The following RNF2 variants were observed in gnomAD, a reference collection of about 807,000 sequenced individuals.
RNF2 encodes E3 ubiquitin-protein ligase RING2.
RNF2 carries 6 observed loss-of-function variants against 37.2 expected under a neutral mutation model. That is an observed-to-expected ratio of 0.16 (90% CI 0.09 to 0.32). RNF2 has a LOEUF of 0.32. RNF2 is among the 10% of genes least tolerant of loss of function. The pLI is 1.00. For synonymous variants in RNF2, 133 were observed against 132.7 expected, an observed-to-expected ratio of 1.00 and a Z score of -0.02; for missense variants, 251 against 404.0, an observed-to-expected ratio of 0.62 and a Z score of 3.25.
chr1:185,050,554 C>T (rs533919927), intron 1 of RNF2, among the ~76,000 whole-genome samples: 6 of 152,278 alleles, frequency 3.9e-5, no homozygotes, highest in Non-Finnish European at 8.8e-5. Flanking sequence ...GCACTTTTAG[C>T]TTAGTACTGT....
In RNF2 at chr1:185,098,063, C is replaced by G; in HGVS notation, c.465-9C>G. The G allele has an allele frequency of 6.2e-7, 1 of 1,611,990 alleles. No homozygotes were observed. Among genetic ancestry groups the G allele is most frequent in the East Asian group, 2.2e-5 (1 of 44,850 alleles). ...AAATTTTATGCATCCTTTTTTCCCC[C>G]TTGACTAGACTGCAGCGAGGCAAGA... On this transcript the variant is annotated splice_polypyrimidine_tract_variant and intron_variant, in intron 4 of 6. Transcript: ENST00000367510.
chr1:185,094,728 A>G (rs1651864795), intron 4 of RNF2, among the ~76,000 whole-genome samples: 1 of 152,182 alleles, frequency 6.6e-6, no homozygotes, highest in Admixed American at 6.5e-5. Flanking sequence ...GCTAAAAACT[A>G]AAAGACTTTA....
intron 2 of RNF2, among the ~76,000 whole-genome samples, chr1:185,090,898 T>C (rs887518077): frequency 1.3e-5 from 2 of 152,236 alleles, no homozygotes; most frequent in Non-Finnish European, 2.9e-5. Context: ...GAAACATCTT[T>C]AGGCATGACA....
intron 4 of RNF2, among the ~76,000 whole-genome samples, chr1:185,093,627 T>A (rs1299051015): frequency 1.3e-5 from 2 of 152,196 alleles, no homozygotes; most frequent in African/African-American, 4.8e-5. Flanking sequence ...TTATTAGTGA[T>A]CTCTTCATTG....
intron 1 of RNF2, among the ~76,000 whole-genome samples, chr1:185,082,042 C>T (rs1332749939): frequency 2.0e-5 from 3 of 152,096 alleles, no homozygotes; most frequent in African/African-American, 7.2e-5. Flanking sequence ...AATCCACTTT[C>T]GTGGCAAGTT....
intron 4 of RNF2, among the ~76,000 whole-genome samples, chr1:185,097,018 T>C (rs1398743827): frequency 2.0e-5 from 3 of 152,108 alleles, no homozygotes; most frequent in Admixed American, 1.3e-4. Flanking sequence ...AGACAGGCAG[T>C]GTGGTAGGAA....
chr1:185,088,498 G>C (rs973894561), intron 2 of RNF2, among the ~76,000 whole-genome samples: 42 of 151,762 alleles, frequency 2.8e-4, no homozygotes, highest in Admixed American at 2.8e-3. Context: ...GGTGGTTGCA[G>C]TGAGCCGAGA....
chr1:185,051,394 T>C (rs1470267967), intron 1 of RNF2, among the ~76,000 whole-genome samples: 2 of 152,214 alleles, frequency 1.3e-5, no homozygotes, highest in Non-Finnish European at 2.9e-5. Flanking sequence ...TTTCTGAGTC[T>C]CTTTTCTTTT....
chr1:185,074,474 G>A (rs1195386400), intron 1 of RNF2, among the ~76,000 whole-genome samples: 1 of 152,010 alleles, frequency 6.6e-6, no homozygotes, highest in Non-Finnish European at 1.5e-5. Flanking sequence ...AACCATATTA[G>A]CATAAACTTA....
chr1:185,060,391 G>C (rs1650563182), intron 1 of RNF2, among the ~76,000 whole-genome samples: 1 of 152,172 alleles, frequency 6.6e-6, no homozygotes, highest in African/African-American at 2.4e-5. Flanking sequence ...CACCACATAA[G>C]TATACTCCCT....
Position 185,096,569 on chromosome 1 carries a change from T to G in RNF2, c.465-1503T>G, listed in dbSNP as rs116693940. 7.0e-3 allele frequency among the ~76,000 whole-genome samples: 1,072 copies of G among 152,250 alleles called. 18 individuals are homozygous for G. Among genetic ancestry groups the G allele is most frequent in the African/African-American group, 0.02 (848 of 41,558 alleles). On this transcript the variant is annotated intron_variant, in intron 4 of 6. Transcript: ENST00000367510. Reference sequence around the variant, plus strand: ...GTATTTGTACTTTTGGGGTTTTTTTTTTGTTGTTGTTATTTACTGTTATTT... The same window carrying G: ...GTATTTGTACTTTTGGGGTTTTTTTGTTGTTGTTGTTATTTACTGTTATTT...
chr1:185,063,839 T>G (rs1375664772), intron 1 of RNF2, among the ~76,000 whole-genome samples: 2 of 152,202 alleles, frequency 1.3e-5, no homozygotes, highest in African/African-American at 4.8e-5. Flanking sequence ...GATTGCTCTC[T>G]TGGACTACTA....
In RNF2 at chr1:185,102,248, G is replaced by A. The variant is rs1258359445; in HGVS notation, c.*1947G>A. ...ATAGGGTATTGAGTGTATTTTGTGT[G>A]TGTGTGGATGTGTGTTTTGGGGTAC... On this transcript the variant is annotated 3_prime_UTR_variant, in exon 7 of 7. Coordinates refer to ENST00000367510, the MANE Select transcript of RNF2 (RefSeq NM_007212.4). 3 of 152,272 alleles carry A rather than the reference G, an allele frequency of 2.0e-5. No individual in the cohort carries two copies. In the South Asian group the frequency reaches 6.2e-4, roughly 32 times the overall value. 9.4% of individuals were successfully genotyped at this position (152,272 alleles called of 1,614,324 possible).
intron 4 of RNF2, among the ~76,000 whole-genome samples, chr1:185,097,796 A>G (rs1313769151): frequency 1.3e-5 from 2 of 152,192 alleles, no homozygotes; most frequent in African/African-American, 2.4e-5. Flanking sequence ...TGGCCTCTCA[A>G]TGTGTTGGGT....
At chr1:185,054,685 G>GT (rs952054107) in intron 1 of RNF2, among the ~76,000 whole-genome samples, 6 of 152,042 alleles carry the variant, frequency 3.9e-5, no homozygotes, top group Non-Finnish European at 7.4e-5. Context: ...TTCTTTGTGG[G>GT]TTTTTTAAAA....
chr1:185,049,489 G>T (rs1473280269), intron 1 of RNF2, among the ~76,000 whole-genome samples: 2 of 152,106 alleles, frequency 1.3e-5, no homozygotes, highest in African/African-American at 2.4e-5. Flanking sequence ...TATCCTTTAT[G>T]AAATAGTTTT....
intron 2 of RNF2, among the ~76,000 whole-genome samples, chr1:185,088,569 AGCT>A (rs1344648912): frequency 1.3e-5 from 2 of 151,722 alleles, no homozygotes; most frequent in Non-Finnish European, 1.5e-5. Flanking sequence ...AAAAAAAAAA[AGCT>A]AAAGGAAGTA....
chr1:185,054,394 C>G (rs77338610), intron 1 of RNF2, among the ~76,000 whole-genome samples: 1 of 152,196 alleles, frequency 6.6e-6, no homozygotes, highest in Admixed American at 6.5e-5. Context: ...GAGGACGTGT[C>G]AAGGCTGGAC....
At chr1:185,055,212 A>G (rs921049451) in intron 1 of RNF2, among the ~76,000 whole-genome samples, 2 of 152,076 alleles carry the variant, frequency 1.3e-5, no homozygotes, top group Non-Finnish European at 2.9e-5. Context: ...ATTTTTCCGG[A>G]TTTTCTAATA....
Sources: gnomAD v4.1 joint callset for allele counts (sites outside exome capture counted in the v4.1 genomes callset) on GRCh38, gnomAD v4.1.1 for gene constraint, MANE v1.5 for transcripts, NCBI Gene and HGNC (gene_info 2026-07-23, HGNC 2026-07-21) for gene names.